Variants in SPG7 observed in about 807,000 individuals in gnomAD.
The protein encoded by SPG7 is SPG7 matrix AAA peptidase subunit, paraplegin.
In SPG7, 103 loss-of-function variants were observed where a neutral mutation model predicts 81.9. That is an observed-to-expected ratio of 1.26 (90% CI 1.07 to 1.48). SPG7 has a LOEUF of 1.48. Ranked by LOEUF, SPG7 falls within the 40% of genes most tolerant of loss-of-function variation. The pLI, the probability that SPG7 is intolerant of heterozygous loss-of-function variation, is 0.00. For synonymous variants in SPG7, 534 were observed against 444.2 expected (o/e 1.20, Z -2.54); for missense variants, 1,241 against 1,087.3 (o/e 1.14, Z -1.99).
intron 12 of SPG7, chr16:89,548,926 G>A (rs1567930476): frequency 6.6e-6 from 3 of 454,046 alleles, no homozygotes; most frequent in East Asian, 6.9e-5. Context: ...TGCGAGAACC[G>A]AGTTCCTCAC....
intron 4 of SPG7, among the ~76,000 whole-genome samples, chr16:89,525,575 C>T (rs929602753): frequency 6.6e-6 from 1 of 152,128 alleles, no homozygotes; most frequent in East Asian, 1.9e-4. Context: ...AAGAGAGTCC[C>T]GCAAGTCCGT....
chr16:89,509,048 A>G (rs1372063326), intron 1 of SPG7: 8 of 435,220 alleles, frequency 1.8e-5, no homozygotes, highest in Non-Finnish European at 3.3e-5. Context: ...AATACCCTGT[A>G]GCTGCATTTT....
At chr16:89,525,798 G>T (rs530210004) in intron 4 of SPG7, among the ~76,000 whole-genome samples, 1 of 152,106 alleles carries the variant, frequency 6.6e-6, no homozygotes, top group Non-Finnish European at 1.5e-5. Flanking sequence ...GTTTTTGGCC[G>T]TAGTCTTGAT....
chr16:89,549,473 A>G (rs1283293441), intron 12 of SPG7: 1 of 354,532 alleles, frequency 2.8e-6, no homozygotes, highest in South Asian at 2.2e-5. Context: ...AGCCTGGGCA[A>G]TACAGCAAGA....
Position 89,550,479 on chromosome 16 carries a change from C to T in SPG7, c.1664-15C>T. On this transcript the variant is annotated splice_polypyrimidine_tract_variant and intron_variant, in intron 12 of 16. Transcript: ENST00000645818. ...TGAGCCACCGCGCCCAACTCATACC[C>T]CGGCATTCTTTCAGGGACTGCCAAA... 6.3e-7 allele frequency: 1 copy of T among 1,593,094 alleles called. No homozygotes were observed. The highest frequency in any genetic ancestry group is 8.6e-7 in the Non-Finnish European group (1 of 1,161,856).
chr16:89,523,981 C>A lies in SPG7; in HGVS notation c.377-25C>A, dbSNP rs1325441387. 5 of 1,609,948 alleles carry A rather than the reference C, an allele frequency of 3.1e-6. No homozygotes were observed. The East Asian group carries it at 8.9e-5, about 29-fold the overall frequency. On this transcript the variant is annotated intron_variant, in intron 3 of 16. Coordinates refer to ENST00000645818, the MANE Select transcript of SPG7 (RefSeq NM_003119.4). ...GTCTGTTGCTCATGTGTTTGTTTCT[C>A]CCTTTTGCTTCTCTGCCGGCTCAGA...
chr16:89,518,210 G>A (rs2058128948), intron 3 of SPG7: 1 of 152,210 alleles, frequency 6.6e-6, no homozygotes, highest in Admixed American at 6.5e-5. Context: ...TTCAGATGAA[G>A]ATTCTTTTGC....
At chr16:89,516,724 G>C (rs2058101493) in intron 3 of SPG7, 1 of 151,586 alleles carries the variant, frequency 6.6e-6, no homozygotes, top group South Asian at 2.1e-4. Flanking sequence ...AAAAAATTAG[G>C]CGTGGTGGTG....
chr16:89,537,566 C>G (rs1315125705), intron 9 of SPG7: 6 of 988,820 alleles, frequency 6.1e-6, no homozygotes, highest in Non-Finnish European at 7.2e-6. Flanking sequence ...GGGTGTCGTT[C>G]TGTCGCCCAG....
At chr16:89,556,126 G>A (rs913808612) in intron 16 of SPG7, 11 of 398,816 alleles carry the variant, frequency 2.8e-5, no homozygotes, top group Non-Finnish European at 4.0e-5. Context: ...TGTCTGCCCC[G>A]TGTATGAACT....
chr16:89,511,152 T>A (rs1401417492), intron 2 of SPG7, among the ~76,000 whole-genome samples: 1 of 152,098 alleles, frequency 6.6e-6, no homozygotes, highest in East Asian at 1.9e-4. Context: ...TGTCCTTTTT[T>A]AAAAAAAATT....
chr16:89,524,356 GCC>G, intron 4 of SPG7, 109 bp downstream of exon 4: 1 of 1,315,432 alleles, frequency 7.6e-7, no homozygotes, highest in South Asian at 1.4e-5. Context: ...GCTGGCTGTT[GCC>G]ATCCTTTTGG....
intron 4 of SPG7, among the ~76,000 whole-genome samples, chr16:89,524,671 C>G (rs1335498310): frequency 6.6e-6 from 1 of 152,094 alleles, no homozygotes; most frequent in African/African-American, 2.4e-5. Flanking sequence ...TCTCGAACTC[C>G]TGACCTCAGG....
intron 16 of SPG7, chr16:89,555,730 G>C (rs2058681292): frequency 2.5e-6 from 1 of 397,588 alleles, no homozygotes; most frequent in Non-Finnish European, 4.4e-6. Context: ...ACAGTGGGCA[G>C]AGCTGGAGTG....
intron 4 of SPG7, among the ~76,000 whole-genome samples, chr16:89,525,663 C>T (rs960895639): frequency 2.0e-5 from 3 of 152,178 alleles, no homozygotes; most frequent in African/African-American, 4.8e-5. Context: ...CTTAGGAAAA[C>T]GCTGCGTTTG....
chr16:89,537,285 G>GC (rs760875983), intron 9 of SPG7: 5 of 1,303,464 alleles, frequency 3.8e-6, no homozygotes, highest in East Asian at 3.1e-5. Flanking sequence ...GGACCCCAGA[G>GC]CCCCCGGGAA....
At chr16:89,537,800 G>A in intron 9 of SPG7, 1 of 985,004 alleles carries the variant, frequency 1.0e-6, no homozygotes, top group Non-Finnish European at 1.2e-6. Context: ...TGGGAAGCTG[G>A]GGTCCTGGTC....
chr16:89,517,524 C>T (rs573065124), intron 3 of SPG7: 7 of 152,208 alleles, frequency 4.6e-5, no homozygotes, highest in Admixed American at 1.3e-4. Context: ...GTCACCATGC[C>T]CTTTGCTCTC....
intron 3 of SPG7, among the ~76,000 whole-genome samples, chr16:89,515,248 T>A (rs554027007): frequency 1.1e-4 from 17 of 149,420 alleles, no homozygotes; most frequent in African/African-American, 4.2e-4. Flanking sequence ...GGACCTTTTT[T>A]TTTTTTAACT....
Sources: gnomAD v4.1 joint callset for allele counts (sites outside exome capture counted in the v4.1 genomes callset) on GRCh38, gnomAD v4.1.1 for gene constraint, MANE v1.5 for transcripts, NCBI Gene and HGNC (gene_info 2026-07-23, HGNC 2026-07-21) for gene names.